The following NAALADL2 variants were observed in gnomAD, a reference collection of about 807,000 sequenced individuals.
NAALADL2 encodes inactive N-acetylated-alpha-linked acidic dipeptidase-like protein 2.
NAALADL2 carries 76 observed loss-of-function variants against 87.2 expected under a neutral mutation model. The ratio of observed to expected loss-of-function variants is 0.87; its 90% CI spans 0.72 to 1.05. NAALADL2 has a LOEUF of 1.05. Ranked by LOEUF, NAALADL2 falls within the 50% of genes least tolerant of loss-of-function variation. The pLI is 0.00. For missense variants in NAALADL2, 1,089 were observed against 945.8 expected (o/e 1.15, Z -1.99); for synonymous variants, 354 against 331.0 (o/e 1.07, Z -0.75).
intron 5 of NAALADL2, among the ~76,000 whole-genome samples, chr3:175,422,293 A>G (rs1310843369): frequency 6.6e-6 from 1 of 152,138 alleles, no homozygotes; most frequent in African/African-American, 2.4e-5. Context: ...TTCCTAAGAT[A>G]TAATAGGGAA....
At chr3:175,247,347 A>T (rs543537704) in intron 3 of NAALADL2, among the ~76,000 whole-genome samples, 12 of 152,136 alleles carry the variant, frequency 7.9e-5, no homozygotes, top group Non-Finnish European at 1.5e-4. Context: ...GCATTGCAGC[A>T]TGCTGTGGAA....
chr3:174,625,723 ACT>A (rs1429702846), intron 2 of NAALADL2, among the ~76,000 whole-genome samples: 2 of 152,120 alleles, frequency 1.3e-5, no homozygotes, highest in Middle Eastern at 3.4e-3. Flanking sequence ...ATGTTACCCA[ACT>A]CTCAAAAATA....
chr3:175,590,859 T>C (rs1259415661), intron 10 of NAALADL2, among the ~76,000 whole-genome samples: 1 of 152,140 alleles, frequency 6.6e-6, no homozygotes, highest in African/African-American at 2.4e-5. Flanking sequence ...GGACATAGTT[T>C]GAAAATTATA....
At chr3:174,526,457 G>C (rs1364679340) in intron 1 of NAALADL2, among the ~76,000 whole-genome samples, 1 of 152,066 alleles carries the variant, frequency 6.6e-6, no homozygotes. Flanking sequence ...GAATTGCTTT[G>C]ACTAGTAAAT....
At chr3:174,750,345 A>T (rs1734700490) in intron 3 of NAALADL2, among the ~76,000 whole-genome samples, 1 of 152,150 alleles carries the variant, frequency 6.6e-6, no homozygotes, top group South Asian at 2.1e-4. Flanking sequence ...ATGGCTTCCC[A>T]GTTTTTGTGC....
chr3:175,056,615 A>G (rs938082620), intron 1 of NAALADL2, among the ~76,000 whole-genome samples: 1 of 152,222 alleles, frequency 6.6e-6, no homozygotes, highest in African/African-American at 2.4e-5. Flanking sequence ...GGGGTCTTAT[A>G]GCCTTCAGAG....
intron 1 of NAALADL2, among the ~76,000 whole-genome samples, chr3:174,481,384 C>T (rs1262706189): frequency 6.6e-6 from 1 of 152,012 alleles, no homozygotes; most frequent in Non-Finnish European, 1.5e-5. Context: ...GGTTGTGTCA[C>T]ATATGGTTCT....
chr3:174,674,000 A>T lies in NAALADL2; in HGVS notation c.-114-63641A>T, dbSNP rs1056887827. On this transcript the variant is annotated intron_variant, in intron 2 of 3. Transcript: ENST00000434257. ...TTCTTACATTGCTATAAATATATTA[A>T]TTTGGACAGTTTAGGAAGAGAAGAG... is the stretch of plus-strand genomic sequence containing the variant. Among the ~76,000 whole-genome samples, 4 of 152,004 alleles carry T rather than the reference A, an allele frequency of 2.6e-5. No homozygotes were observed. In the East Asian group the frequency reaches 7.7e-4, roughly 29 times the overall value.
intron 5 of NAALADL2, among the ~76,000 whole-genome samples, chr3:175,331,053 T>C (rs1455416171): frequency 6.6e-6 from 1 of 151,938 alleles, no homozygotes; most frequent in East Asian, 1.9e-4. Context: ...TGAGAGAAAA[T>C]GGATAAATTT....
At chr3:174,677,612 T>C (rs1368956199) in intron 2 of NAALADL2, among the ~76,000 whole-genome samples, 1 of 152,130 alleles carries the variant, frequency 6.6e-6, no homozygotes. Flanking sequence ...CATGCAAATC[T>C]CTAGTCACAA....
intron 1 of NAALADL2, among the ~76,000 whole-genome samples, chr3:174,942,015 T>C (rs1470453569): frequency 2.0e-5 from 3 of 152,160 alleles, no homozygotes; most frequent in Admixed American, 2.0e-4. Context: ...GGATTAGTAT[T>C]GTTATATGTG....
intron 1 of NAALADL2, among the ~76,000 whole-genome samples, chr3:174,457,474 A>G (rs533667010): frequency 8.5e-5 from 13 of 152,300 alleles, no homozygotes; most frequent in South Asian, 4.1e-4. Context: ...GGTGGACTGG[A>G]TAAAGAAAAT....
At chr3:174,500,254 G>T (rs1351787083) in intron 1 of NAALADL2, among the ~76,000 whole-genome samples, 1 of 151,880 alleles carries the variant, frequency 6.6e-6, no homozygotes, top group Admixed American at 6.6e-5. Context: ...ATAGTTTTAT[G>T]TGTTATACGT....
chr3:174,913,668 G>C lies in NAALADL2; in HGVS notation c.43+54218G>C, dbSNP rs185578852. ...TAATTATTTTACCGATTTGGTTATT[G>C]CTGGCAAATTAAACCAAATGAAGTA... On this transcript the variant is annotated intron_variant, in intron 1 of 13. Coordinates refer to ENST00000454872, the MANE Select transcript of NAALADL2 (RefSeq NM_207015.3). Among the ~76,000 whole-genome samples the C allele has an allele frequency of 2.6e-3, 394 of 152,206 alleles. 2 individuals carry two copies. The highest frequency in any genetic ancestry group is 9.2e-3 in the African/African-American group (381 of 41,522).
At chr3:174,768,113 C>A (rs1055678510) in intron 3 of NAALADL2, among the ~76,000 whole-genome samples, 6 of 152,136 alleles carry the variant, frequency 3.9e-5, no homozygotes, top group African/African-American at 1.4e-4. Context: ...TTTTGGAGAA[C>A]ATAGAAACCC....
intron 1 of NAALADL2, among the ~76,000 whole-genome samples, chr3:175,036,693 C>T (rs960699524): frequency 1.3e-5 from 2 of 152,090 alleles, no homozygotes; most frequent in Non-Finnish European, 1.5e-5. Context: ...ACCACTGCGC[C>T]CAGCCCATAG....
chr3:174,721,714 C>T (rs1731729294), intron 2 of NAALADL2, among the ~76,000 whole-genome samples: 1 of 152,110 alleles, frequency 6.6e-6, no homozygotes, highest in African/African-American at 2.4e-5. Flanking sequence ...TGGCTTTACT[C>T]ACAGGAAAAG....
intron 2 of NAALADL2, among the ~76,000 whole-genome samples, chr3:174,668,666 G>T (rs1185852332): frequency 6.6e-6 from 1 of 152,086 alleles, no homozygotes; most frequent in Non-Finnish European, 1.5e-5. Flanking sequence ...GTGAGAACAT[G>T]CAGTGTTTGG....
At chr3:174,640,555 A>G (rs1025638894) in intron 2 of NAALADL2, among the ~76,000 whole-genome samples, 3 of 152,302 alleles carry the variant, frequency 2.0e-5, no homozygotes, top group Non-Finnish European at 4.4e-5. Context: ...TAGCCTTGAC[A>G]ATGTGGGCCA....
Sources: gnomAD v4.1 joint callset for allele counts (sites outside exome capture counted in the v4.1 genomes callset) on GRCh38, gnomAD v4.1.1 for gene constraint, MANE v1.5 for transcripts, NCBI Gene and HGNC (gene_info 2026-07-23, HGNC 2026-07-21) for gene names.